Variants in KCMF1 observed in about 807,000 individuals in gnomAD.
The protein encoded by KCMF1 is E3 ubiquitin-protein ligase KCMF1.
A neutral mutation model predicts 41.1 loss-of-function variants in KCMF1; 3 were observed. The ratio of observed to expected loss-of-function variants is 0.07; its 90% CI spans 0.03 to 0.19. The LOEUF (loss-of-function observed/expected upper bound fraction) is 0.19, where lower values mean the gene tolerates loss of function less well. Among genes scored for constraint, KCMF1 ranks in the 10% least tolerant of loss-of-function variants. KCMF1 has a pLI of 1.00. For missense variants in KCMF1, 286 were observed against 488.9 expected, an observed-to-expected ratio of 0.58 and a Z score of 3.91; for synonymous variants, 142 against 164.5, an observed-to-expected ratio of 0.86 and a Z score of 1.04.
intron 3 of KCMF1, 22 bp from the exon 4 acceptor site, chr2:85,043,541 TG>T (rs1373290648): frequency 7.3e-7 from 1 of 1,376,070 alleles, no homozygotes; most frequent in Non-Finnish European, 1.0e-6. Context: ...TTTATTAAGC[TG>T]CTTTCTTTAC....
At chr2:84,976,863 G>A (rs1673557945) in intron 1 of KCMF1, among the ~76,000 whole-genome samples, 1 of 151,574 alleles carries the variant, frequency 6.6e-6, no homozygotes, top group Non-Finnish European at 1.5e-5. Context: ...AACTTTTTTT[G>A]TTTTTATTTT....
intron 3 of KCMF1, among the ~76,000 whole-genome samples, chr2:85,035,780 C>T (rs1027946430): frequency 6.6e-6 from 1 of 152,126 alleles, no homozygotes; most frequent in Non-Finnish European, 1.5e-5. Flanking sequence ...AGCATGCATC[C>T]ACCTTCAAGA....
intron 3 of KCMF1, 109 bp downstream of exon 3, chr2:85,035,264 C>A: frequency 1.1e-6 from 1 of 933,448 alleles, no homozygotes; most frequent in Non-Finnish European, 1.5e-6. Flanking sequence ...TGTAATGATA[C>A]CGTTTGCATA....
chr2:85,047,730 C>T (rs1338106247), intron 5 of KCMF1, among the ~76,000 whole-genome samples: 1 of 151,860 alleles, frequency 6.6e-6, no homozygotes, highest in Non-Finnish European at 1.5e-5. Context: ...TGATAATCTG[C>T]AAGACACACC....
intron 1 of KCMF1, among the ~76,000 whole-genome samples, chr2:85,010,942 C>T (rs1241643900): frequency 6.6e-6 from 1 of 151,560 alleles, no homozygotes; most frequent in Admixed American, 6.6e-5. Flanking sequence ...CTCCCGGGTT[C>T]AAGCAATTCT....
rs955169088 is a variant in KCMF1 at position 85,055,852 on chromosome 2, A to C, written c.*2443A>C. On this transcript the variant is annotated 3_prime_UTR_variant, in exon 7 of 7. Transcript: ENST00000409785. ...CAGCACCTTCAAATTTCTAAGGACCAGATCCTGAATTTTGAGAATTTTTTG... is the reference window on the plus strand; with the variant it reads ...CAGCACCTTCAAATTTCTAAGGACCCGATCCTGAATTTTGAGAATTTTTTG... 5.9e-5 allele frequency: 9 copies of C among 152,230 alleles called. No homozygotes were observed. Among genetic ancestry groups the C allele is most frequent in the Admixed American group, 5.2e-4 (8 of 15,282 alleles). The allele number at this position is 152,230 out of a possible 1,614,324, so 9.4% of individuals were successfully genotyped here.
At chr2:84,988,749 A>T (rs1293053303) in intron 1 of KCMF1, among the ~76,000 whole-genome samples, 1 of 152,208 alleles carries the variant, frequency 6.6e-6, no homozygotes, top group East Asian at 1.9e-4. Context: ...ATCAAACTCT[A>T]TCACAGACCA....
Position 84,971,284 on chromosome 2 carries a change from G to C in KCMF1, c.-168G>C. 6.0e-6 allele frequency: 1 copy of C among 166,530 alleles called. No individual in the cohort carries two copies. The highest frequency in any genetic ancestry group is 1.2e-5 in the Non-Finnish European group (1 of 83,850). 10.3% of individuals were successfully genotyped at this position (166,530 alleles called of 1,614,324 possible). On this transcript the variant is annotated 5_prime_UTR_variant, in exon 1 of 7. Coordinates refer to ENST00000409785, the MANE Select transcript of KCMF1 (RefSeq NM_020122.5). The stretch of plus-strand genomic sequence containing the variant: ...TCCCGCCCCGCGCCGCCTCCCCGCC[G>C]CCGCCGCCGCCGCCGCCGCGGGAGC...
chr2:85,008,264 A>C (rs528121955), intron 1 of KCMF1, among the ~76,000 whole-genome samples: 56 of 106,924 alleles, frequency 5.2e-4, no homozygotes, highest in South Asian at 3.1e-3. Flanking sequence ...ATTATATATC[A>C]TATATAATAT....
chr2:84,974,424 T>C (rs188507471), intron 1 of KCMF1, among the ~76,000 whole-genome samples: 3 of 151,946 alleles, frequency 2.0e-5, no homozygotes, highest in East Asian at 3.9e-4. Context: ...CCTGTCAAGC[T>C]TGAAGGCTCA....
intron 1 of KCMF1, among the ~76,000 whole-genome samples, chr2:85,008,311 AT>A (rs1208321149): frequency 1.2e-3 from 25 of 21,314 alleles, no homozygotes; most frequent in African/African-American, 4.7e-3. Flanking sequence ...ATATAATATG[AT>A]ATATATATCA....
At chr2:85,035,307 A>G (rs1191214762) in intron 3 of KCMF1, among the ~76,000 whole-genome samples, 152 bp downstream of exon 3, 1 of 152,240 alleles carries the variant, frequency 6.6e-6, no homozygotes, top group Non-Finnish European at 1.5e-5. Flanking sequence ...AGCAAATTTT[A>G]TACATCATGG....
At chr2:84,980,921 G>A (rs1453790220) in intron 1 of KCMF1, among the ~76,000 whole-genome samples, 2 of 152,070 alleles carry the variant, frequency 1.3e-5, no homozygotes, top group Non-Finnish European at 2.9e-5. Context: ...GATTATAGGT[G>A]TGAAGCACCA....
chr2:84,993,712 A>T (rs1674102801), intron 1 of KCMF1, among the ~76,000 whole-genome samples: 1 of 151,046 alleles, frequency 6.6e-6, no homozygotes, highest in Non-Finnish European at 1.5e-5. Flanking sequence ...AGTAGCTGGG[A>T]TTACAGGCAT....
chr2:84,977,213 C>G (rs1195854504), intron 1 of KCMF1, among the ~76,000 whole-genome samples: 1 of 152,098 alleles, frequency 6.6e-6, no homozygotes, highest in African/African-American at 2.4e-5. Context: ...TTATCTGCCA[C>G]TGAAGCACAC....
intron 5 of KCMF1, 59 bp downstream of exon 5, chr2:85,046,337 A>G: frequency 7.1e-7 from 1 of 1,399,468 alleles, no homozygotes; most frequent in South Asian, 1.3e-5. Flanking sequence ...TCCTTTTAAA[A>G]CTTTTTGTGA....
intron 2 of KCMF1, among the ~76,000 whole-genome samples, chr2:85,029,001 A>T (rs1163480867): frequency 2.0e-5 from 3 of 151,854 alleles, no homozygotes; most frequent in East Asian, 3.9e-4. Flanking sequence ...ACAGAGTCTC[A>T]CTCTGTCGCC....
intron 1 of KCMF1, among the ~76,000 whole-genome samples, chr2:84,984,691 A>G (rs1401013202): frequency 2.0e-5 from 3 of 152,016 alleles, no homozygotes; most frequent in African/African-American, 4.8e-5. Context: ...GTGGTGGCGC[A>G]TGCCCATAAT....
intron 1 of KCMF1, among the ~76,000 whole-genome samples, chr2:84,974,879 T>C (rs113989269): frequency 0.018 from 2,756 of 151,046 alleles, 69 homozygotes; most frequent in African/African-American, 0.063. Context: ...CTAATTTTTG[T>C]ATTTCGTTTA....
Sources: gnomAD v4.1 joint callset for allele counts (sites outside exome capture counted in the v4.1 genomes callset) on GRCh38, gnomAD v4.1.1 for gene constraint, MANE v1.5 for transcripts, NCBI Gene and HGNC (gene_info 2026-07-23, HGNC 2026-07-21) for gene names.